The following DOCK1 variants were observed in gnomAD, a reference collection of about 807,000 sequenced individuals.
DOCK1 encodes the protein dedicator of cytokinesis protein 1.
In DOCK1, 138 loss-of-function variants were observed where a neutral mutation model predicts 262.7. The ratio of observed to expected loss-of-function variants is 0.53; its 90% confidence interval spans 0.46 to 0.61. The LOEUF (loss-of-function observed/expected upper bound fraction) is 0.61, where lower values mean the gene tolerates loss of function less well. DOCK1 is among the 20% of genes least tolerant of loss of function. DOCK1 has a pLI of 0.00. For synonymous variants in DOCK1, 866 were observed against 867.4 expected, an observed-to-expected ratio of 1.00 and a Z score of 0.03; for missense variants, 1,908 against 2,370.7, an observed-to-expected ratio of 0.80 and a Z score of 4.05.
At chr10:126,999,286 A>G in intron 8 of DOCK1, 68 bp from the exon 9 acceptor site, 2 of 1,220,300 alleles carry the variant, frequency 1.6e-6, no homozygotes, top group Non-Finnish European at 2.4e-6. Flanking sequence ...TTATGAAGCA[A>G]TGTGGATGTA....
intron 23 of DOCK1, among the ~76,000 whole-genome samples, chr10:127,070,373 C>G (rs2046155055): frequency 6.6e-6 from 1 of 150,548 alleles, no homozygotes; most frequent in African/African-American, 2.4e-5. Flanking sequence ...CCTGCCTCAG[C>G]CTCCCGAGTA....
chr10:126,948,737 C>T (rs2035864310), intron 1 of DOCK1, among the ~76,000 whole-genome samples: 1 of 152,056 alleles, frequency 6.6e-6, no homozygotes, highest in Non-Finnish European at 1.5e-5. Flanking sequence ...AGCTGCCATC[C>T]AGCCTGGATC....
chr10:127,159,618 A>G (rs951811868), intron 27 of DOCK1, among the ~76,000 whole-genome samples: 4 of 152,156 alleles, frequency 2.6e-5, no homozygotes, highest in Admixed American at 6.5e-5. Flanking sequence ...GAGGGAATAT[A>G]TGCACCTTTG....
At chr10:127,239,650 A>T (rs1375123876) in intron 27 of DOCK1, among the ~76,000 whole-genome samples, 1 of 152,158 alleles carries the variant, frequency 6.6e-6, no homozygotes, top group East Asian at 1.9e-4. Flanking sequence ...TCTTCTCTTC[A>T]ATAATAAGAG....
rs2067394624 is a variant in DOCK1, at chr10:127,404,425, T to A, written c.4118T>A (p.Leu1373Gln). 6.2e-7 allele frequency: 1 copy of A among 1,613,014 alleles called. No homozygotes were observed. The highest frequency in any genetic ancestry group is 8.5e-7 in the Non-Finnish European group (1 of 1,179,618). The change falls in exon 40 of 52, where the codon CTG becomes CAG. Residue 1373 changes from leucine to glutamine, a missense_variant. Leu to Gln is a moderately radical substitution (Grantham distance 113). Transcript: ENST00000623213. The part of the protein sequence containing the change: ...GYYGQGFPTF[L>Q]RGKVFIYRGK... Reference sequence around the variant, plus strand: ...TACGGACAAGGGTTCCCCACATTCCTGCGGGTAAAGTTTGGTTCTGCCTAA... The same window carrying A: ...TACGGACAAGGGTTCCCCACATTCCAGCGGGTAAAGTTTGGTTCTGCCTAA...
intron 29 of DOCK1, among the ~76,000 whole-genome samples, chr10:127,306,014 G>T (rs939287667): frequency 4.6e-5 from 6 of 131,596 alleles, no homozygotes; most frequent in African/African-American, 1.2e-4. Context: ...TTTTTTCCTG[G>T]TTTTTTTTTT....
chr10:126,915,406 A>G (rs1387994581), intron 1 of DOCK1, among the ~76,000 whole-genome samples: 1 of 129,880 alleles, frequency 7.7e-6, no homozygotes, highest in African/African-American at 2.8e-5. Context: ...TGCTTTCTCA[A>G]TGTGTCTTTT....
At chr10:127,400,748 C>T (rs1189267128) in intron 38 of DOCK1, among the ~76,000 whole-genome samples, 1 of 152,114 alleles carries the variant, frequency 6.6e-6, no homozygotes, top group Non-Finnish European at 1.5e-5. Context: ...GAAATGATGG[C>T]AGTAAAAGAG....
intron 27 of DOCK1, among the ~76,000 whole-genome samples, chr10:127,152,431 G>A (rs1305986534): frequency 5.3e-5 from 8 of 152,226 alleles, no homozygotes; most frequent in Non-Finnish European, 1.5e-5. Context: ...GCCAAGAACA[G>A]TCAGCAGCTT....
At chr10:126,949,805 A>T (rs1308233211) in intron 1 of DOCK1, among the ~76,000 whole-genome samples, 1 of 151,930 alleles carries the variant, frequency 6.6e-6, no homozygotes, top group Non-Finnish European at 1.5e-5. Context: ...TTGTTTTGAC[A>T]TGTCTCTGGC....
intron 23 of DOCK1, among the ~76,000 whole-genome samples, chr10:127,093,868 T>A (rs564019114): frequency 3.9e-5 from 6 of 152,252 alleles, no homozygotes; most frequent in Admixed American, 3.9e-4. Flanking sequence ...TGGCTTGCAG[T>A]TCTGGAGGCT....
At chr10:127,288,353 T>C (rs2061233079) in intron 29 of DOCK1, among the ~76,000 whole-genome samples, 1 of 152,180 alleles carries the variant, frequency 6.6e-6, no homozygotes, top group Non-Finnish European at 1.5e-5. Flanking sequence ...CAAGAATATA[T>C]AGTTGCTTTT....
chr10:127,373,130 C>T lies in DOCK1; in HGVS notation c.3433-651C>T, dbSNP rs533081824. Among the ~76,000 whole-genome samples, 249 of 152,268 alleles carry T rather than the reference C, an allele frequency of 1.6e-3. 1 individual carries two copies. The highest frequency in any genetic ancestry group is 0.011 in the South Asian group (53 of 4,824). ...TTTTTCTAAAAGCATGGATCTGAGACATAATTAGCTGGTACTGGCGACCCT... is the reference window on the plus strand; with the variant it reads ...TTTTTCTAAAAGCATGGATCTGAGATATAATTAGCTGGTACTGGCGACCCT... On this transcript the variant is annotated intron_variant, in intron 33 of 51. Transcript: ENST00000623213.
At chr10:127,116,326 C>T (rs1267511291) in intron 25 of DOCK1, among the ~76,000 whole-genome samples, 2 of 152,070 alleles carry the variant, frequency 1.3e-5, no homozygotes, top group Non-Finnish European at 2.9e-5. Context: ...AAATTATTTT[C>T]CTTATTCTTA....
At chr10:126,917,241 AG>A (rs1190597123) in intron 1 of DOCK1, among the ~76,000 whole-genome samples, 1 of 152,236 alleles carries the variant, frequency 6.6e-6, no homozygotes, top group Non-Finnish European at 1.5e-5. Flanking sequence ...CTCTCCGCTC[AG>A]GTTAGACTTT....
intron 27 of DOCK1, among the ~76,000 whole-genome samples, chr10:127,237,363 G>GAAAAAA (rs60864459): frequency 7.4e-6 from 1 of 134,772 alleles, no homozygotes; most frequent in Non-Finnish European, 1.5e-5. Flanking sequence ...TCCATCTCAG[G>GAAAAAA]AAAAAAAAAA....
chr10:127,012,984 G>A lies in DOCK1; in HGVS notation c.1201+610G>A, dbSNP rs12411729. Among the ~76,000 whole-genome samples the A allele has an allele frequency of 0.095, 14,525 of 152,144 alleles. 793 individuals carry two copies. Among genetic ancestry groups the A allele is most frequent in the East Asian group, 0.21 (1,060 of 5,136 alleles). ...GGGAAGTCACCTTCAGAACTTGACCGTCTCACTCCCTGATCCATGCAGACT... is the reference window on the plus strand; with the variant it reads ...GGGAAGTCACCTTCAGAACTTGACCATCTCACTCCCTGATCCATGCAGACT... On this transcript the variant is annotated intron_variant, in intron 12 of 51. Transcript: ENST00000623213. This position sits in a 1 kb window ranked among gnomAD's most constrained non-coding sequence, Gnocchi z 4.0.
At chr10:127,248,556 C>T (rs1408078994) in intron 28 of DOCK1, among the ~76,000 whole-genome samples, 1 of 152,186 alleles carries the variant, frequency 6.6e-6, no homozygotes, top group Non-Finnish European at 1.5e-5. Context: ...CAGCATTTCT[C>T]CAAATAATTC....
chr10:127,451,173 A>G (rs1050214951), intron 51 of DOCK1, among the ~76,000 whole-genome samples, 159 bp from the exon 52 acceptor site: 1 of 152,136 alleles, frequency 6.6e-6, no homozygotes, highest in Non-Finnish European at 1.5e-5. Context: ...TGAGCCTAGT[A>G]GACCTGCCAG....
Sources: gnomAD v4.1 joint callset for allele counts (sites outside exome capture counted in the v4.1 genomes callset) on GRCh38, gnomAD v4.1.1 for gene constraint, Gnocchi (gnomAD v3.1) non-coding constraint, MANE v1.5 for transcripts, NCBI Gene and HGNC (gene_info 2026-07-23, HGNC 2026-07-21) for gene names.